The following HMCN1 variants were observed in gnomAD, a reference collection of about 807,000 sequenced individuals.
HMCN1 encodes the protein hemicentin 1.
Under a neutral mutation model 625.9 loss-of-function variants are expected in HMCN1, and 321 were observed. The ratio of observed to expected loss-of-function variants is 0.51; its 90% CI spans 0.47 to 0.56. The LOEUF (loss-of-function observed/expected upper bound fraction) is 0.56, where lower values mean the gene tolerates loss of function less well. Among genes scored for constraint, HMCN1 ranks in the 20% least tolerant of loss-of-function variants. The pLI is 0.00. For synonymous variants in HMCN1, 2,425 were observed against 2,417.6 expected (o/e 1.00, Z -0.09); for missense variants, 6,588 against 6,887.3 (o/e 0.96, Z 1.54).
chr1:186,081,251 G>A lies in HMCN1; in HGVS notation c.8644G>A (p.Val2882Ile). The stretch of plus-strand genomic sequence containing the variant: ...AGCAAATAGTGATCTCCCTGAAGAG[G>A]TCACCGTGCTGGTGAACAAGAGTGC... ...KGANSDLPEE[V>I]TVLVNKSALI... Residue 2882 changes from valine to isoleucine, a missense_variant, in exon 56 of 107, where the codon GTC (valine) becomes ATC (isoleucine). Transcript: ENST00000271588. The A allele has an allele frequency of 6.2e-7, 1 of 1,613,610 alleles. No homozygotes were observed. Among genetic ancestry groups the A allele is most frequent in the East Asian group, 2.2e-5 (1 of 44,842 alleles).
At chr1:185,766,787 A>C (rs960968895) in intron 1 of HMCN1, among the ~76,000 whole-genome samples, 6 of 152,080 alleles carry the variant, frequency 3.9e-5, no homozygotes. Flanking sequence ...TCACGGTCAA[A>C]TTTAAGCAAG....
chr1:186,047,067 G>A (rs1213387950), intron 41 of HMCN1, among the ~76,000 whole-genome samples: 2 of 152,032 alleles, frequency 1.3e-5, no homozygotes, highest in Admixed American at 6.6e-5. Context: ...AATAGATGAC[G>A]GGCAGTAAGC....
Position 185,977,777 on chromosome 1 carries a change from T to C in HMCN1, c.2372-10T>C, listed in dbSNP as rs1378197551. On this transcript the variant is annotated splice_polypyrimidine_tract_variant and intron_variant, in intron 15 of 106. Coordinates refer to ENST00000271588, the MANE Select transcript of HMCN1 (RefSeq NM_031935.3). The stretch of plus-strand genomic sequence containing the variant: ...CCGATGACTTATTTGTTGTTTGTAA[T>C]GTCTTCCAGCACCTCCAGTTTTCAT... 2 of 1,594,642 alleles carry C rather than the reference T, an allele frequency of 1.3e-6. No homozygotes were observed. The highest frequency in any genetic ancestry group is 1.7e-6 in the Non-Finnish European group (2 of 1,162,754).
chr1:186,094,029 A>G (rs1659992111), intron 66 of HMCN1, among the ~76,000 whole-genome samples: 1 of 152,056 alleles, frequency 6.6e-6, no homozygotes, highest in Admixed American at 6.6e-5. Flanking sequence ...CTATTAATAT[A>G]TATTTGAAAA....
chr1:186,062,371 T>C, intron 47 of HMCN1, 143 bp from the exon 48 acceptor site: 1 of 672,054 alleles, frequency 1.5e-6, no homozygotes, highest in Non-Finnish European at 2.7e-6. Flanking sequence ...AATAATATTA[T>C]GACATTCTAG....
At position 186,117,100 on chromosome 1, in the gene HMCN1, G is replaced by A. The variant is rs771147740; in HGVS notation, c.11668G>A (p.Asp3890Asn). 2 of 1,613,352 alleles carry A rather than the reference G, an allele frequency of 1.2e-6. No individual in the cohort carries two copies. Among genetic ancestry groups the A allele is most frequent in the South Asian group, 2.2e-5 (2 of 91,066 alleles). Residue 3890 changes from aspartate (D) to asparagine (N), a missense_variant, in exon 76 of 107, where the codon GAT (aspartate) becomes AAT (asparagine). By Grantham distance (23) the Asp-to-Asn change is conservative. Around this residue, in one of 3 missense-constraint regions of HMCN1, gnomAD observed 4,628 missense variants for 4,853.1 expected, o/e 0.95. Coordinates refer to ENST00000271588, the MANE Select transcript of HMCN1 (RefSeq NM_031935.3). ...NGAGDDKRTV[D>N]LTVQVPPSIA... ...TGCTGGAGATGATAAAAGAACTGTG[G>A]ATCTCACTGTCCAAGGTAGAATTGG...
intron 11 of HMCN1, among the ~76,000 whole-genome samples, chr1:185,959,188 C>A (rs1242234287): frequency 6.6e-6 from 1 of 152,128 alleles, no homozygotes; most frequent in African/African-American, 2.4e-5. Context: ...AATTAAATAA[C>A]CTTGAAGAAA....
chr1:185,936,612 A>G (rs968964637), intron 11 of HMCN1, among the ~76,000 whole-genome samples: 1 of 152,246 alleles, frequency 6.6e-6, no homozygotes, highest in Non-Finnish European at 1.5e-5. Context: ...CCAAATTAGG[A>G]AACTAGCAGG....
intron 13 of HMCN1, among the ~76,000 whole-genome samples, chr1:185,965,355 C>T (rs539084609): frequency 3.3e-5 from 5 of 152,122 alleles, no homozygotes; most frequent in South Asian, 2.1e-4. Flanking sequence ...AATTCATCTA[C>T]GGTTGTATCA....
At position 185,962,620 on chromosome 1, in the gene HMCN1, C is replaced by T; in HGVS notation, c.1931C>T (p.Ala644Val). ...ACAGGTTATCCCAAACCAAAGATTG[C>T]CTGGACCGTTAACGATATGTTTATC... is the stretch of plus-strand genomic sequence containing the variant. ...SATGYPKPKI[A>V]WTVNDMFIVG... The change falls in exon 12 of 107, where the codon GCC becomes GTC. Residue 644 changes from alanine to valine, a missense_variant. Coordinates refer to ENST00000271588, the MANE Select transcript of HMCN1 (RefSeq NM_031935.3). 1 of 1,587,792 alleles carries T rather than the reference C, an allele frequency of 6.3e-7. No individual in the cohort carries two copies. Among genetic ancestry groups the T allele is most frequent in the African/African-American group, 1.3e-5 (1 of 74,472 alleles).
In HMCN1 at chr1:186,145,825, G is replaced by A. The variant is rs752242653; in HGVS notation, c.14510G>A (p.Arg4837Gln). ...TCCTGTGGAGGAGGTGAAAAGACTC[G>A]GAAGCGGCTGTGCGACCATCCTGTG... Reference protein sequence around the residue: ...SASCGGGEKTRKRLCDHPVPV... With the variant: ...SASCGGGEKTQKRLCDHPVPV... Residue 4837 changes from arginine to glutamine, a missense_variant, in exon 93 of 107, where the codon CGG becomes CAG. Around this residue, in one of 3 missense-constraint regions of HMCN1, gnomAD observed 1,954 missense variants for 2,013.1 expected, o/e 0.97. Coordinates refer to ENST00000271588, the MANE Select transcript of HMCN1 (RefSeq NM_031935.3). 1.1e-5 allele frequency: 17 copies of A among 1,613,950 alleles called. No individual in the cohort carries two copies. The highest frequency in any genetic ancestry group is 2.2e-5 in the South Asian group (2 of 91,086).
At chr1:186,095,048 TA>T (rs1660056845) in intron 67 of HMCN1, among the ~76,000 whole-genome samples, 194 bp from the exon 68 acceptor site, 1 of 152,216 alleles carries the variant, frequency 6.6e-6, no homozygotes, top group Admixed American at 6.6e-5. Context: ...GTTTCATTGC[TA>T]ATCTTTGGAA....
At chr1:185,740,484 T>C (rs188125787) in intron 1 of HMCN1, among the ~76,000 whole-genome samples, 2 of 152,114 alleles carry the variant, frequency 1.3e-5, no homozygotes, top group East Asian at 1.9e-4. Context: ...GCTTGACTGA[T>C]GCTATGGTTT....
intron 1 of HMCN1, among the ~76,000 whole-genome samples, chr1:185,819,013 C>T (rs903409783): frequency 2.3e-4 from 35 of 151,204 alleles, no homozygotes; most frequent in African/African-American, 6.6e-4. Flanking sequence ...CTGAGGCGGG[C>T]GGATCACAAG....
intron 97 of HMCN1, among the ~76,000 whole-genome samples, chr1:186,155,867 A>G (rs1356798478): frequency 1.3e-5 from 2 of 152,168 alleles, no homozygotes; most frequent in African/African-American, 4.8e-5. Flanking sequence ...TTCTGTCTAG[A>G]CTAGAGCTAA....
intron 15 of HMCN1, among the ~76,000 whole-genome samples, chr1:185,976,234 A>C (rs529463428): frequency 6.6e-6 from 1 of 152,288 alleles, no homozygotes; most frequent in South Asian, 2.1e-4. Context: ...CCAATATTTC[A>C]ACAGCCAGAG....
intron 1 of HMCN1, among the ~76,000 whole-genome samples, chr1:185,750,463 C>A (rs1439853280): frequency 2.6e-5 from 4 of 151,924 alleles, no homozygotes; most frequent in Non-Finnish European, 5.9e-5. Context: ...CTTTGTAATT[C>A]CAGTCAATTT....
At chr1:186,106,255 A>G (rs1312091306) in intron 69 of HMCN1, among the ~76,000 whole-genome samples, 1 of 152,196 alleles carries the variant, frequency 6.6e-6, no homozygotes, top group Non-Finnish European at 1.5e-5. Flanking sequence ...TGTCTACACA[A>G]TCTCAAACAT....
intron 40 of HMCN1, among the ~76,000 whole-genome samples, 195 bp from the exon 41 acceptor site, chr1:186,045,493 A>G (rs554927352): frequency 2.6e-5 from 4 of 152,272 alleles, no homozygotes; most frequent in Non-Finnish European, 5.9e-5. Flanking sequence ...AGTGAGAAAT[A>G]TTTTTCAACG....
Sources: gnomAD v4.1 joint callset for allele counts (sites outside exome capture counted in the v4.1 genomes callset) on GRCh38, gnomAD v4.1.1 for gene constraint, gnomAD v4.1.1 regional missense constraint, MANE v1.5 for transcripts, NCBI Gene and HGNC (gene_info 2026-07-23, HGNC 2026-07-21) for gene names.